PIK3C2G: variants seen among roughly 807,000 people sequenced by gnomAD.
PIK3C2G encodes phosphatidylinositol-4-phosphate 3-kinase catalytic subunit type 2 gamma, also known as phosphatidylinositol 3-kinase C2 domain-containing subunit gamma.
Under a neutral mutation model 181.1 loss-of-function variants are expected in PIK3C2G, and 168 were observed. The observed-to-expected ratio is 0.93, with a 90% CI of 0.82 to 1.05. The LOEUF (loss-of-function observed/expected upper bound fraction) is 1.05, where lower values mean the gene tolerates loss of function less well. Ranked by LOEUF, PIK3C2G falls within the 50% of genes least tolerant of loss-of-function variation. The pLI, the probability that PIK3C2G is intolerant of heterozygous loss-of-function variation, is 0.00. For missense variants in PIK3C2G, 1,869 were observed against 1,732.8 expected, an observed-to-expected ratio of 1.08 and a Z score of -1.40; for synonymous variants, 573 against 592.2, an observed-to-expected ratio of 0.97 and a Z score of 0.47.
chr12:18,551,046 A>C (rs903598851), intron 26 of PIK3C2G, among the ~76,000 whole-genome samples: 1 of 152,112 alleles, frequency 6.6e-6, no homozygotes, highest in African/African-American at 2.4e-5. Context: ...GCGATGCTGC[A>C]TACTGTGTGG....
At chr12:18,565,276 T>C (rs1013119926) in intron 28 of PIK3C2G, among the ~76,000 whole-genome samples, 1 of 152,172 alleles carries the variant, frequency 6.6e-6, no homozygotes, top group Non-Finnish European at 1.5e-5. Flanking sequence ...TCTAATCAGT[T>C]CATACCATCT....
the PIK3C2G span, chr12:18,705,155 A>T: frequency 6.2e-7 from 1 of 1,613,946 alleles, no homozygotes; most frequent in Admixed American, 1.7e-5. Flanking sequence ...TTTCTCAGAA[A>T]AAAATGTTAC....
chr12:18,447,112 T>C (rs1484256927), intron 18 of PIK3C2G, among the ~76,000 whole-genome samples: 1 of 152,120 alleles, frequency 6.6e-6, no homozygotes, highest in Non-Finnish European at 1.5e-5. Context: ...AACTTCCTCA[T>C]GATTAATATA....
chr12:18,475,373 AACACACAC>A lies in PIK3C2G; in HGVS notation c.2505-13047_2505-13040del, dbSNP rs57853875. 3.5e-3 allele frequency among the ~76,000 whole-genome samples: 494 copies of A among 139,930 alleles called. 2 individuals are homozygous for A. Among genetic ancestry groups the A allele is most frequent in the Non-Finnish European group, 6.1e-3 (396 of 64,486 alleles). The allele number at this position is 139,930 out of a possible 152,430, so 91.8% of individuals were successfully genotyped here. The stretch of plus-strand genomic sequence containing the variant: ...CTCTCTCAATCTCACCCACCACCCC[AACACACAC>A]ACACACACACACACACACACACACA... On this transcript the variant is annotated intron_variant, in intron 18 of 32. Coordinates refer to ENST00000538779, the MANE Select transcript of PIK3C2G (RefSeq NM_001288772.2).
intron 18 of PIK3C2G, among the ~76,000 whole-genome samples, chr12:18,442,889 G>C (rs1248453498): frequency 8.0e-6 from 1 of 124,266 alleles, no homozygotes; most frequent in East Asian, 2.4e-4. Context: ...TTTTTTTTTT[G>C]AGACAGATTC....
chr12:18,655,052 AAT>A, the PIK3C2G span, among the ~76,000 whole-genome samples: 1 of 56,366 alleles, frequency 1.8e-5, no homozygotes, highest in South Asian at 4.9e-4. Context: ...CAGAAACAAT[AAT>A]AAAAAAAAAT....
intron 30 of PIK3C2G, among the ~76,000 whole-genome samples, chr12:18,594,863 G>T (rs1007671432): frequency 6.6e-6 from 1 of 151,978 alleles, no homozygotes; most frequent in Non-Finnish European, 1.5e-5. Context: ...TTAAATTGCA[G>T]ACCACTGTCA....
Position 18,391,248 on chromosome 12 carries a change from C to A in PIK3C2G, c.2122C>A (p.Leu708Ile), listed in dbSNP as rs1943514680. 5 of 1,571,446 alleles carry A rather than the reference C, an allele frequency of 3.2e-6. No homozygotes were observed. In the African/African-American group the frequency reaches 6.9e-5, roughly 22 times the overall value. The change falls in exon 15 of 33, where the codon CTA becomes ATA. Residue 708 changes from leucine to isoleucine, a missense_variant. Leu to Ile is a conservative substitution (Grantham distance 5, BLOSUM62 2). Transcript: ENST00000538779. ...CAGACTTTCACAGAAACAGACTCCC[C>A]TACTGTAAGTGACCTAGGTCTTGTG... ...IARLSQKQTPLLLSEEKKRYL... is the reference protein window; with the variant it reads ...IARLSQKQTPILLSEEKKRYL...
At chr12:18,290,361 T>C (rs192089995) in intron 3 of PIK3C2G, among the ~76,000 whole-genome samples, 62 of 152,314 alleles carry the variant, frequency 4.1e-4, no homozygotes, top group African/African-American at 1.5e-3. Flanking sequence ...AGTTGTGTAG[T>C]ATCCAAAAAT....
the PIK3C2G span, among the ~76,000 whole-genome samples, chr12:18,672,571 A>C: frequency 2.6e-5 from 4 of 152,142 alleles, no homozygotes; most frequent in Non-Finnish European, 4.4e-5. Flanking sequence ...CCCACTACTC[A>C]TCACATTTGA....
At chr12:18,508,458 T>C (rs1941985316) in intron 24 of PIK3C2G, among the ~76,000 whole-genome samples, 1 of 152,174 alleles carries the variant, frequency 6.6e-6, no homozygotes. Flanking sequence ...TATTGTTTTT[T>C]AGGTACACAA....
intron 29 of PIK3C2G, among the ~76,000 whole-genome samples, chr12:18,587,039 T>C (rs191452657): frequency 1.3e-5 from 2 of 152,106 alleles, no homozygotes; most frequent in African/African-American, 4.8e-5. Flanking sequence ...ATAAACTAGA[T>C]ACCAAAGGAA....
At chr12:18,696,825 T>G in the PIK3C2G span, among the ~76,000 whole-genome samples, 1 of 152,098 alleles carries the variant, frequency 6.6e-6, no homozygotes, top group Admixed American at 6.6e-5. Flanking sequence ...TCCCCCAAAG[T>G]TTATTCAATC....
At chr12:18,343,257 G>T in intron 9 of PIK3C2G, 70 bp from the exon 10 acceptor site, 1 of 776,074 alleles carries the variant, frequency 1.3e-6, no homozygotes, top group Non-Finnish European at 2.2e-6. Flanking sequence ...TTAGATTTTG[G>T]ACATTACTAT....
At chr12:18,543,234 G>T (rs549735614) in intron 25 of PIK3C2G, among the ~76,000 whole-genome samples, 13 of 151,938 alleles carry the variant, frequency 8.6e-5, no homozygotes, top group South Asian at 2.1e-4. Context: ...TTTTTAATGG[G>T]TTTTTTTGTT....
rs1799882902 is a variant in PIK3C2G at position 18,468,271 on chromosome 12, C to T, written c.2505-20178C>T. Among the ~76,000 whole-genome samples, 4 of 152,170 alleles carry T rather than the reference C, an allele frequency of 2.6e-5. No individual in the cohort carries two copies. In the South Asian group the frequency reaches 8.3e-4, roughly 32 times the overall value. On this transcript the variant is annotated intron_variant, in intron 18 of 32. Transcript: ENST00000538779. ...TGAGATTGCTGGTCCAGAGCTCCAACTCTGTTCATCTCCTTGGTTAAAGAA... is the reference window on the plus strand; with the variant it reads ...TGAGATTGCTGGTCCAGAGCTCCAATTCTGTTCATCTCCTTGGTTAAAGAA...
intron 5 of PIK3C2G, among the ~76,000 whole-genome samples, chr12:18,294,734 T>C (rs574073508): frequency 1.3e-5 from 2 of 152,164 alleles, no homozygotes; most frequent in Non-Finnish European, 2.9e-5. Flanking sequence ...TGCATAGTTA[T>C]TCTAAACAGT....
the PIK3C2G span, among the ~76,000 whole-genome samples, chr12:18,696,837 G>A: frequency 6.6e-6 from 1 of 152,112 alleles, no homozygotes; most frequent in Middle Eastern, 3.4e-3. Context: ...TATTCAATCT[G>A]TGTTTACATG....
chr12:18,715,267 A>C, the PIK3C2G span, among the ~76,000 whole-genome samples: 1 of 147,094 alleles, frequency 6.8e-6, no homozygotes, highest in Admixed American at 6.9e-5. Flanking sequence ...AGTTGGAAGA[A>C]CCCTGATGAG....
Sources: gnomAD v4.1 joint callset for allele counts (sites outside exome capture counted in the v4.1 genomes callset) on GRCh38, gnomAD v4.1.1 for gene constraint, MANE v1.5 for transcripts, NCBI Gene and HGNC (gene_info 2026-07-23, HGNC 2026-07-21) for gene names.